Variants in LHFPL6 observed in about 807,000 individuals in gnomAD.
LHFPL6 encodes LHFPL tetraspan subfamily member 6.
Under a neutral mutation model 20.6 loss-of-function variants are expected in LHFPL6, and 9 were observed. The observed-to-expected ratio is 0.44, with a 90% confidence interval of 0.26 to 0.76. LHFPL6 has a LOEUF of 0.76. LHFPL6 is among the 30% of genes least tolerant of loss of function. The pLI is 0.20. For synonymous variants in LHFPL6, 105 were observed against 98.7 expected (o/e 1.06, Z -0.38); for missense variants, 218 against 253.5 (o/e 0.86, Z 0.95).
chr13:39,378,120 T>C (rs1167217876), intron 3 of LHFPL6, among the ~76,000 whole-genome samples: 1 of 152,252 alleles, frequency 6.6e-6, no homozygotes, highest in African/African-American at 2.4e-5. Flanking sequence ...CAGAATTATT[T>C]TTAGCCCATG....
chr13:39,554,418 TATC>T lies in LHFPL6; in HGVS notation c.385+46411_385+46413del, dbSNP rs527754018. On this transcript the variant is annotated intron_variant, in intron 2 of 3. Coordinates refer to ENST00000379589, the MANE Select transcript of LHFPL6 (RefSeq NM_005780.3). ...TTTTATTAAAATGCATGTCAGGACA[TATC>T]ATCCCATAAATGCAAGTCAGACACT... Among the ~76,000 whole-genome samples, 119 of 152,338 alleles carry T rather than the reference TATC, an allele frequency of 7.8e-4. 1 individual carries two copies. Among genetic ancestry groups the T allele is most frequent in the African/African-American group, 2.8e-3 (117 of 41,584 alleles).
intron 2 of LHFPL6, among the ~76,000 whole-genome samples, chr13:39,446,216 C>T (rs1172887427): frequency 6.6e-6 from 1 of 152,126 alleles, no homozygotes; most frequent in Non-Finnish European, 1.5e-5. Flanking sequence ...TCAGATACAG[C>T]CTGAAGCCCA....
intron 2 of LHFPL6, among the ~76,000 whole-genome samples, chr13:39,502,883 T>C (rs1179286553): frequency 6.6e-6 from 1 of 152,338 alleles, no homozygotes; most frequent in South Asian, 2.1e-4. Context: ...TTGTATTTAT[T>C]ATTGTTGTAT....
chr13:39,530,320 C>T (rs1408271527), intron 2 of LHFPL6, among the ~76,000 whole-genome samples: 9 of 151,256 alleles, frequency 6.0e-5, no homozygotes, highest in Admixed American at 2.0e-4. Context: ...ATCCAAGATG[C>T]CCAGATCCCA....
At chr13:39,522,279 G>GGC (rs1870132532) in intron 2 of LHFPL6, among the ~76,000 whole-genome samples, 1 of 152,214 alleles carries the variant, frequency 6.6e-6, no homozygotes, top group African/African-American at 2.4e-5. Flanking sequence ...GATAAGCTGA[G>GGC]GCACAGGTTT....
chr13:39,521,899 C>A (rs1054886714), intron 2 of LHFPL6, among the ~76,000 whole-genome samples: 2 of 152,102 alleles, frequency 1.3e-5, no homozygotes, highest in Non-Finnish European at 2.9e-5. Context: ...AAAGGAAAAC[C>A]AATTAGTGAC....
chr13:39,357,873 A>G (rs1386904836), intron 3 of LHFPL6, among the ~76,000 whole-genome samples: 1 of 152,214 alleles, frequency 6.6e-6, no homozygotes, highest in East Asian at 1.9e-4. Context: ...AAAACATTCC[A>G]TGCTCATAAA....
Position 39,378,411 on chromosome 13 carries a change from C to T in LHFPL6, c.484+17G>A, listed in dbSNP as rs551854355. 1.3e-4 allele frequency: 201 copies of T among 1,600,136 alleles called. No homozygotes were observed. Among genetic ancestry groups the T allele is most frequent in the Middle Eastern group, 3.3e-4 (2 of 6,034 alleles). On this transcript the variant is annotated intron_variant, in intron 3 of 3. Coordinates refer to ENST00000379589, the MANE Select transcript of LHFPL6 (RefSeq NM_005780.3). ...GTTCTTTTTCTAAAAGGAGTGCCAT[C>T]CATGAAGAAAGCTTACCCAGGTCAA...
chr13:39,388,227 T>C (rs1237885152), intron 2 of LHFPL6, among the ~76,000 whole-genome samples: 4 of 152,212 alleles, frequency 2.6e-5, no homozygotes, highest in Admixed American at 6.5e-5. Flanking sequence ...AAAATGTTTT[T>C]CAAAATGGTG....
intron 2 of LHFPL6, among the ~76,000 whole-genome samples, chr13:39,430,889 C>T (rs1017734610): frequency 5.3e-5 from 8 of 152,222 alleles, no homozygotes; most frequent in Non-Finnish European, 7.3e-5. Flanking sequence ...AAGCCAGCAG[C>T]GGCAACCTGC....
intron 2 of LHFPL6, among the ~76,000 whole-genome samples, chr13:39,510,193 G>C (rs1927211): frequency 0.024 from 3,582 of 152,146 alleles, 143 homozygotes; most frequent in African/African-American, 0.082. Flanking sequence ...CACTTCACGT[G>C]AGAGTAAAAA....
intron 2 of LHFPL6, among the ~76,000 whole-genome samples, chr13:39,562,133 C>T (rs972789946): frequency 6.6e-6 from 1 of 152,056 alleles, no homozygotes; most frequent in Non-Finnish European, 1.5e-5. Context: ...GATTAGCAGC[C>T]ACTCTGCTTT....
At chr13:39,555,823 T>C (rs908381535) in intron 2 of LHFPL6, among the ~76,000 whole-genome samples, 1 of 152,242 alleles carries the variant, frequency 6.6e-6, no homozygotes, top group Non-Finnish European at 1.5e-5. Context: ...TTTGGATATC[T>C]GTCCCCTCCA....
At chr13:39,524,766 C>T (rs1870235327) in intron 2 of LHFPL6, among the ~76,000 whole-genome samples, 1 of 152,104 alleles carries the variant, frequency 6.6e-6, no homozygotes. Context: ...AATTTACAGG[C>T]CACTAGGGGA....
At chr13:39,352,920 TA>T (rs1869621301) in intron 3 of LHFPL6, among the ~76,000 whole-genome samples, 2 of 55,282 alleles carry the variant, frequency 3.6e-5, no homozygotes, top group African/African-American at 1.3e-4. Context: ...TGTATATATA[TA>T]TAAATGTATA....
chr13:39,353,265 C>T (rs1014166519), intron 3 of LHFPL6, among the ~76,000 whole-genome samples: 10 of 151,366 alleles, frequency 6.6e-5, no homozygotes, highest in African/African-American at 2.2e-4. Flanking sequence ...AGATTACAGG[C>T]GTAAGCCACC....
intron 2 of LHFPL6, among the ~76,000 whole-genome samples, chr13:39,579,114 A>T (rs1279500048): frequency 6.6e-6 from 1 of 152,166 alleles, no homozygotes; most frequent in Admixed American, 6.5e-5. Context: ...ACACTGTAGG[A>T]GGTCTTTATC....
At chr13:39,363,987 T>C (rs985117699) in intron 3 of LHFPL6, among the ~76,000 whole-genome samples, 2 of 152,216 alleles carry the variant, frequency 1.3e-5, no homozygotes, top group Non-Finnish European at 2.9e-5. Flanking sequence ...AGAGTATACT[T>C]ACACAAACGT....
Position 39,441,137 on chromosome 13 carries a change from A to ATTT in LHFPL6, c.386-62614_386-62612dup, listed in dbSNP as rs57695621. 2.1e-3 allele frequency among the ~76,000 whole-genome samples: 191 copies of ATTT among 91,460 alleles called. 11 individuals are homozygous for ATTT. Among genetic ancestry groups the ATTT allele is most frequent in the South Asian group, 3.4e-3 (9 of 2,614 alleles). 60.0% of individuals were successfully genotyped at this position (91,460 alleles called of 152,430 possible). A position where few individuals can be genotyped will look rare whatever the true frequency, so the allele number is the denominator to read the frequency against. On this transcript the variant is annotated intron_variant, in intron 2 of 3. Transcript: ENST00000379589. ...CAGGCATGTGCCACCATGCCAACTAATTTTTTTTTTTTTTTTTTTTTTTTT... is the reference window on the plus strand; with the variant it reads ...CAGGCATGTGCCACCATGCCAACTAATTTTTTTTTTTTTTTTTTTTTTTTTTTT...
Sources: gnomAD v4.1 joint callset for allele counts (sites outside exome capture counted in the v4.1 genomes callset) on GRCh38, gnomAD v4.1.1 for gene constraint, MANE v1.5 for transcripts, NCBI Gene and HGNC (gene_info 2026-07-23, HGNC 2026-07-21) for gene names.